Variants in CADPS2 observed in about 807,000 individuals in gnomAD.
CADPS2 encodes the protein calcium-dependent secretion activator 2.
In CADPS2, 93 loss-of-function variants were observed where a neutral mutation model predicts 172.5. That is an observed-to-expected ratio of 0.54 (90% CI 0.46 to 0.64). The LOEUF (loss-of-function observed/expected upper bound fraction) is 0.64. CADPS2 is among the 30% of genes least tolerant of loss of function. CADPS2 has a pLI of 0.00. For missense variants in CADPS2, 1,420 were observed against 1,565.9 expected, an observed-to-expected ratio of 0.91 and a Z score of 1.57; for synonymous variants, 546 against 555.2, an observed-to-expected ratio of 0.98 and a Z score of 0.23.
intron 1 of CADPS2, among the ~76,000 whole-genome samples, chr7:122,834,778 A>G (rs534952466): frequency 1.2e-3 from 186 of 152,322 alleles, no homozygotes; most frequent in Non-Finnish European, 2.3e-3. Flanking sequence ...AGGTAAACAA[A>G]GCAGCCTGGA....
At chr7:122,679,093 C>T (rs1415913962) in intron 2 of CADPS2, among the ~76,000 whole-genome samples, 3 of 151,932 alleles carry the variant, frequency 2.0e-5, no homozygotes. Flanking sequence ...AACAGGGTAA[C>T]AGTGATTTTC....
intron 6 of CADPS2, among the ~76,000 whole-genome samples, chr7:122,607,292 C>T (rs1033450519): frequency 6.6e-6 from 1 of 151,954 alleles, no homozygotes; most frequent in Non-Finnish European, 1.5e-5. Context: ...CCCAAAATAA[C>T]CAGAAAAGGT....
At chr7:122,579,462 T>TATATATAC (rs1465505693) in intron 7 of CADPS2, among the ~76,000 whole-genome samples, 8 of 145,550 alleles carry the variant, frequency 5.5e-5, no homozygotes, top group Non-Finnish European at 1.1e-4. Flanking sequence ...TATATATATA[T>TATATATAC]ATATATATAT....
At chr7:122,360,028 T>C (rs1444561188) in intron 27 of CADPS2, among the ~76,000 whole-genome samples, 3 of 152,200 alleles carry the variant, frequency 2.0e-5, no homozygotes, top group Non-Finnish European at 2.9e-5. Flanking sequence ...GAATTTATAT[T>C]CCATCTAGTC....
At chr7:122,625,748 G>A (rs1469620503) in intron 4 of CADPS2, among the ~76,000 whole-genome samples, 3 of 151,856 alleles carry the variant, frequency 2.0e-5, no homozygotes, top group African/African-American at 4.8e-5. Context: ...TTCCTTGAAC[G>A]CAATCAATCT....
chr7:122,457,131 T>C (rs1363775355), intron 14 of CADPS2, among the ~76,000 whole-genome samples: 1 of 152,144 alleles, frequency 6.6e-6, no homozygotes, highest in Admixed American at 6.5e-5. Context: ...AACTAAAAAT[T>C]TAGTTTCTAT....
At chr7:122,720,593 T>C (rs920628146) in intron 2 of CADPS2, among the ~76,000 whole-genome samples, 3 of 151,374 alleles carry the variant, frequency 2.0e-5, no homozygotes, top group African/African-American at 4.9e-5. Flanking sequence ...TATATGTATA[T>C]ACATACATAT....
intron 8 of CADPS2, among the ~76,000 whole-genome samples, chr7:122,549,090 G>T (rs2063928684): frequency 1.3e-5 from 2 of 152,074 alleles, no homozygotes; most frequent in South Asian, 2.1e-4. Flanking sequence ...CAAATGATGT[G>T]GTTAAAACTT....
intron 24 of CADPS2, among the ~76,000 whole-genome samples, chr7:122,385,575 A>G (rs1306665728): frequency 3.9e-5 from 6 of 152,010 alleles, no homozygotes; most frequent in Non-Finnish European, 8.8e-5. Context: ...CTCACGACAA[A>G]AAAAAAAGTA....
intron 15 of CADPS2, among the ~76,000 whole-genome samples, chr7:122,447,477 G>A (rs2052410013): frequency 6.6e-6 from 1 of 150,544 alleles, no homozygotes; most frequent in African/African-American, 2.4e-5. Context: ...TCACTTTGAG[G>A]GTCTCAATTA....
intron 1 of CADPS2, among the ~76,000 whole-genome samples, chr7:122,874,017 T>C (rs1820540453): frequency 1.3e-5 from 2 of 152,088 alleles, no homozygotes; most frequent in Admixed American, 6.5e-5. Flanking sequence ...GTTTTTTTTT[T>C]CTTGTAAATT....
At chr7:122,533,454 T>A (rs190268719) in intron 8 of CADPS2, among the ~76,000 whole-genome samples, 1 of 152,292 alleles carries the variant, frequency 6.6e-6, no homozygotes, top group East Asian at 1.9e-4. Flanking sequence ...CCCATGGTCT[T>A]AAATTTTTGT....
intron 4 of CADPS2, among the ~76,000 whole-genome samples, chr7:122,628,785 C>T (rs2076309022): frequency 6.8e-6 from 1 of 147,614 alleles, no homozygotes; most frequent in Non-Finnish European, 1.5e-5. Flanking sequence ...AGATTGCATA[C>T]TAGATACTTA....
rs553631470 is a variant in CADPS2, at chr7:122,779,167, T to A, written c.340-42099A>T. 3.2e-4 allele frequency among the ~76,000 whole-genome samples: 49 copies of A among 152,266 alleles called. No individual in the cohort carries two copies. The South Asian group carries it at 4.8e-3, about 15-fold the overall frequency. ...TGAGTCCATTAAACCTATTTTTTTT[T>A]ATAAATTATCCAGTCTTGGGTATTT... On this transcript the variant is annotated intron_variant, in intron 1 of 29. Transcript: ENST00000449022.
At chr7:122,358,714 A>G (rs2039743037) in intron 27 of CADPS2, among the ~76,000 whole-genome samples, 1 of 152,150 alleles carries the variant, frequency 6.6e-6, no homozygotes, top group South Asian at 2.1e-4. Flanking sequence ...AGTATAAAAA[A>G]GAATAACGGC....
At chr7:122,424,902 A>AAATC (rs2048958206) in intron 17 of CADPS2, among the ~76,000 whole-genome samples, 1 of 150,448 alleles carries the variant, frequency 6.6e-6, no homozygotes, top group Non-Finnish European at 1.5e-5. Context: ...TCTGGATATA[A>AAATC]CTGTGTTATA....
chr7:122,684,333 C>T (rs10487754), intron 2 of CADPS2, among the ~76,000 whole-genome samples: 27,145 of 151,956 alleles, frequency 0.18, 3,211 homozygotes, highest in African/African-American at 0.34. Context: ...AACTTCTGAA[C>T]TGATATTACA....
chr7:122,441,694 T>C (rs1156660738), intron 15 of CADPS2, 119 bp from the exon 16 acceptor site: 1 of 544,364 alleles, frequency 1.8e-6, no homozygotes, highest in South Asian at 4.0e-5. Flanking sequence ...GAAAATATTA[T>C]AGCATGAACT....
intron 1 of CADPS2, among the ~76,000 whole-genome samples, chr7:122,800,298 C>A (rs1218181765): frequency 3.3e-5 from 5 of 152,058 alleles, no homozygotes; most frequent in Non-Finnish European, 7.4e-5. Flanking sequence ...CTTCAGATTT[C>A]TCAAAATAAA....
Sources: gnomAD v4.1 joint callset for allele counts (sites outside exome capture counted in the v4.1 genomes callset) on GRCh38, gnomAD v4.1.1 for gene constraint, MANE v1.5 for transcripts, NCBI Gene and HGNC (gene_info 2026-07-23, HGNC 2026-07-21) for gene names.